Variants in STPG4 observed in about 807,000 individuals in gnomAD.
STPG4 encodes the protein protein STPG4.
Under a neutral mutation model 31.5 loss-of-function variants are expected in STPG4, and 41 were observed. The ratio of observed to expected loss-of-function variants is 1.30; its 90% CI spans 1.01 to 1.69. The LOEUF is 1.69. STPG4 is among the 40% of genes most tolerant of loss of function. The probability of loss-of-function intolerance (pLI) is 0.00; values close to 1 mark genes in which losing one functional copy is unlikely to be tolerated. For synonymous variants in STPG4, 141 were observed against 103.0 expected (o/e 1.37, Z -2.24); for missense variants, 375 against 293.4 (o/e 1.28, Z -2.03).
intron 2 of STPG4, among the ~76,000 whole-genome samples, chr2:47,151,979 G>A (rs181943307): frequency 3.3e-5 from 5 of 151,062 alleles, no homozygotes; most frequent in Admixed American, 6.6e-5. Flanking sequence ...TAGCCAGGAT[G>A]GTCTAGATCT....
intron 5 of STPG4, among the ~76,000 whole-genome samples, chr2:47,095,531 C>G (rs6758211): frequency 0.85 from 128,813 of 152,136 alleles, 54,652 homozygotes; most frequent in Admixed American, 0.89. Flanking sequence ...ACACATTTTT[C>G]TTGTACTGGG....
intron 6 of STPG4, among the ~76,000 whole-genome samples, chr2:47,088,353 T>C (rs1342202750): frequency 1.3e-5 from 2 of 152,262 alleles, no homozygotes; most frequent in African/African-American, 4.8e-5. Context: ...TGTCTTCCCA[T>C]GCTGGTGGCA....
chr2:47,153,003 T>C lies in STPG4; in HGVS notation c.95A>G (p.Lys32Arg). 1 of 1,612,004 alleles carries C rather than the reference T, an allele frequency of 6.2e-7. No homozygotes were observed. Among genetic ancestry groups the C allele is most frequent in the Non-Finnish European group, 8.5e-7 (1 of 1,178,738 alleles). The change falls in exon 2 of 7, where the codon AAG becomes AGG. Residue 32 changes from lysine to arginine, a missense_variant. Lys to Arg is a conservative substitution (Grantham distance 26). Coordinates refer to ENST00000445927, the MANE Select transcript of STPG4 (RefSeq NM_001163561.2). Reference protein sequence around the residue: ...SFITASKPAQKTSSFEREGWW... With the variant: ...SFITASKPAQRTSSFEREGWW... The stretch of plus-strand genomic sequence containing the variant: ...TCCTTCTCTTTCAAAAGAGGAAGTC[T>C]TTTGGGCTGGTTTCTGTTAACAAAC...
chr2:47,139,883 C>G (rs999572268), intron 3 of STPG4, among the ~76,000 whole-genome samples: 1 of 152,162 alleles, frequency 6.6e-6, no homozygotes, highest in Non-Finnish European at 1.5e-5. Context: ...TCAAGCAATT[C>G]TCCTGCCTCA....
At chr2:47,134,707 T>C (rs1255043825) in intron 3 of STPG4, among the ~76,000 whole-genome samples, 1 of 152,238 alleles carries the variant, frequency 6.6e-6, no homozygotes, top group Non-Finnish European at 1.5e-5. Flanking sequence ...TTTCAAGTCC[T>C]GTGGGTAAAT....
rs1487227608 is a variant in STPG4, at chr2:47,101,199, C to G, written c.520-10825G>C. 2.0e-5 allele frequency among the ~76,000 whole-genome samples: 3 copies of G among 151,816 alleles called. No individual in the cohort carries two copies. The East Asian group carries it at 5.8e-4, about 29-fold the overall frequency. On this transcript the variant is annotated intron_variant, in intron 5 of 6. Transcript: ENST00000445927. ...AAAAGTGACTAGTGCGGACACCGGA[C>G]TAAAAACATGGGTGTCAGGCTTTCT... is the stretch of plus-strand genomic sequence containing the variant.
chr2:47,128,328 G>C (rs1686403909), intron 5 of STPG4, among the ~76,000 whole-genome samples: 1 of 152,178 alleles, frequency 6.6e-6, no homozygotes, highest in Non-Finnish European at 1.5e-5. Flanking sequence ...AAGGGCTGCA[G>C]TAACTACCGC....
chr2:47,128,137 C>T (rs4302259), intron 5 of STPG4, among the ~76,000 whole-genome samples: 4 of 151,974 alleles, frequency 2.6e-5, no homozygotes, highest in Non-Finnish European at 2.9e-5. Flanking sequence ...AAGATCTGAG[C>T]GAGTTCCCTG....
At chr2:47,095,097 C>T (rs1229951320) in intron 5 of STPG4, among the ~76,000 whole-genome samples, 1 of 152,328 alleles carries the variant, frequency 6.6e-6, no homozygotes, top group East Asian at 1.9e-4. Flanking sequence ...TTCTATACCC[C>T]CCAATCATAA....
chr2:47,124,849 GTTC>G (rs1328980955), intron 5 of STPG4, among the ~76,000 whole-genome samples: 1 of 152,176 alleles, frequency 6.6e-6, no homozygotes, highest in Non-Finnish European at 1.5e-5. Context: ...CCTTTGTACT[GTTC>G]TTCGTGGTGG....
intron 5 of STPG4, among the ~76,000 whole-genome samples, chr2:47,091,761 G>A (rs953512417): frequency 1.3e-5 from 2 of 152,118 alleles, no homozygotes; most frequent in Non-Finnish European, 2.9e-5. Context: ...AGTTTAAGAT[G>A]ACATATATTT....
intron 5 of STPG4, among the ~76,000 whole-genome samples, chr2:47,098,855 G>A (rs1400969130): frequency 6.6e-6 from 1 of 151,940 alleles, no homozygotes; most frequent in Non-Finnish European, 1.5e-5. Context: ...CTCAAGAGGT[G>A]GTGTGTGGCA....
chr2:47,145,794 G>C (rs1434735186), intron 3 of STPG4, among the ~76,000 whole-genome samples: 2 of 152,284 alleles, frequency 1.3e-5, no homozygotes, highest in Non-Finnish European at 1.5e-5. Flanking sequence ...CCATTCATGG[G>C]AGAAGGCACA....
At chr2:47,096,417 G>C (rs1685669867) in intron 5 of STPG4, among the ~76,000 whole-genome samples, 1 of 152,190 alleles carries the variant, frequency 6.6e-6, no homozygotes, top group Non-Finnish European at 1.5e-5. Context: ...TAGAGAGAAG[G>C]ATGTTATTCA....
intron 6 of STPG4, among the ~76,000 whole-genome samples, chr2:47,087,989 G>A (rs911984789): frequency 3.7e-4 from 57 of 152,156 alleles, no homozygotes; most frequent in African/African-American, 1.2e-3. Context: ...TCCTGATCTC[G>A]TGATCCGCCC....
intron 3 of STPG4, among the ~76,000 whole-genome samples, chr2:47,147,448 T>C (rs1341157760): frequency 6.6e-6 from 1 of 152,074 alleles, no homozygotes; most frequent in Non-Finnish European, 1.5e-5. Flanking sequence ...GGACAATCAA[T>C]AGATTAGGAT....
chr2:47,097,196 G>C (rs1685691026), intron 5 of STPG4, among the ~76,000 whole-genome samples: 1 of 152,162 alleles, frequency 6.6e-6, no homozygotes, highest in Non-Finnish European at 1.5e-5. Flanking sequence ...ATGAGATCAT[G>C]TAAACTCATG....
chr2:47,096,851 A>AACC (rs1282643232), intron 5 of STPG4, among the ~76,000 whole-genome samples: 7 of 152,194 alleles, frequency 4.6e-5, no homozygotes, highest in Admixed American at 6.5e-5. Context: ...CGAATTAAGG[A>AACC]ACCACCACCA....
In STPG4 at chr2:47,130,204, A is replaced by C; in HGVS notation, c.456T>G (p.Tyr152Ter). 1 of 1,613,522 alleles carries C rather than the reference A, an allele frequency of 6.2e-7. No individual in the cohort carries two copies. The highest frequency in any genetic ancestry group is 8.5e-7 in the Non-Finnish European group (1 of 1,179,388). The change falls in exon 4 of 7, where the codon TAT becomes TAG. Residue 152 changes from tyrosine to a stop codon, truncating the protein, a stop_gained. Coordinates refer to ENST00000445927, the MANE Select transcript of STPG4 (RefSeq NM_001163561.2). LOFTEE classifies it high-confidence loss of function. ...YNVLPAPVPK[Y>*]ASRSCVFRST... is the part of the protein sequence containing the mutation. Reference sequence around the variant, plus strand: ...AATAAGTATATAATTACCTGGAAGCATATTTGGGAACTGGTGCAGGAAGCA... The same window carrying C: ...AATAAGTATATAATTACCTGGAAGCCTATTTGGGAACTGGTGCAGGAAGCA...
Sources: gnomAD v4.1 joint callset for allele counts (sites outside exome capture counted in the v4.1 genomes callset) on GRCh38, gnomAD v4.1.1 for gene constraint, MANE v1.5 for transcripts, NCBI Gene and HGNC (gene_info 2026-07-23, HGNC 2026-07-21) for gene names.